The following SPAG16 variants were observed in gnomAD, a reference collection of about 807,000 sequenced individuals.
The protein encoded by SPAG16 is sperm associated antigen 16.
Under a neutral mutation model 80.4 loss-of-function variants are expected in SPAG16, and 86 were observed. That is an observed-to-expected ratio of 1.07 (90% CI 0.90 to 1.28). SPAG16 has a LOEUF of 1.28. Among genes scored for constraint, SPAG16 ranks in the 50% most tolerant of loss-of-function variants. The pLI is 0.00. For synonymous variants in SPAG16, 294 were observed against 265.9 expected (o/e 1.11, Z -1.03); for missense variants, 870 against 765.3 (o/e 1.14, Z -1.61).
chr2:213,952,112 A>G (rs2079816554), intron 12 of SPAG16, among the ~76,000 whole-genome samples: 1 of 152,110 alleles, frequency 6.6e-6, no homozygotes, highest in Non-Finnish European at 1.5e-5. Flanking sequence ...CTCTACAGAA[A>G]ATTGTTTTGA....
chr2:214,272,909 C>G (rs1173070217), intron 15 of SPAG16, among the ~76,000 whole-genome samples: 1 of 152,156 alleles, frequency 6.6e-6, no homozygotes, highest in East Asian at 1.9e-4. Context: ...GTCCCACCAA[C>G]AGTGTAAAAG....
intron 10 of SPAG16, among the ~76,000 whole-genome samples, chr2:213,502,848 A>G (rs563169636): frequency 6.6e-6 from 1 of 152,312 alleles, no homozygotes; most frequent in Admixed American, 6.5e-5. Context: ...TCTTCTTTAC[A>G]TATTCTAGCA....
At chr2:213,963,619 G>T (rs1178648831) in intron 12 of SPAG16, among the ~76,000 whole-genome samples, 2 of 152,146 alleles carry the variant, frequency 1.3e-5, no homozygotes, top group Non-Finnish European at 2.9e-5. Context: ...CATTAGGAAA[G>T]TGTGATATTG....
At chr2:214,082,163 G>T (rs999593042) in intron 13 of SPAG16, among the ~76,000 whole-genome samples, 4 of 152,038 alleles carry the variant, frequency 2.6e-5, no homozygotes, top group Non-Finnish European at 5.9e-5. Context: ...CGAGGAAAAC[G>T]TTCCACTTGC....
At chr2:214,217,264 A>T (rs1271521386) in intron 15 of SPAG16, among the ~76,000 whole-genome samples, 1 of 152,236 alleles carries the variant, frequency 6.6e-6, no homozygotes, top group Non-Finnish European at 1.5e-5. Flanking sequence ...CTCTGCATAC[A>T]TTAGGCAGTC....
chr2:213,909,306 G>T (rs2077561081), intron 11 of SPAG16, among the ~76,000 whole-genome samples: 1 of 151,956 alleles, frequency 6.6e-6, no homozygotes, highest in African/African-American at 2.4e-5. Flanking sequence ...TACTGCCCAA[G>T]GTAATTTATA....
intron 15 of SPAG16, among the ~76,000 whole-genome samples, chr2:214,290,222 A>G (rs1693692014): frequency 1.3e-5 from 2 of 151,982 alleles, no homozygotes; most frequent in Admixed American, 1.3e-4. Context: ...GTGCATAATG[A>G]TCTCTGATGA....
Position 213,357,195 on chromosome 2 carries a change from A to T in SPAG16, c.762+6550A>T, listed in dbSNP as rs529267060. Among the ~76,000 whole-genome samples, 4 of 152,258 alleles carry T rather than the reference A, an allele frequency of 2.6e-5. No individual in the cohort carries two copies. In the East Asian group the frequency reaches 7.7e-4, roughly 29 times the overall value. ...TTCCAATTATATGGTCAATTTTAGA[A>T]TAAGCGCGATATGGTGCCAAGCAGA... On this transcript the variant is annotated intron_variant, in intron 7 of 15. Coordinates refer to ENST00000331683, the MANE Select transcript of SPAG16 (RefSeq NM_024532.5).
In SPAG16 at chr2:213,335,052, A is replaced by G. The variant is rs142088993; in HGVS notation, c.537-5111A>G. The stretch of plus-strand genomic sequence containing the variant: ...TGTTTCAAAATATCTCATATACTCC[A>G]TGAATATATACATCTACTATGTACC... On this transcript the variant is annotated intron_variant, in intron 5 of 15. Coordinates refer to ENST00000331683, the MANE Select transcript of SPAG16 (RefSeq NM_024532.5). 9.5e-3 allele frequency among the ~76,000 whole-genome samples: 1,441 copies of G among 152,318 alleles called. 14 individuals are homozygous for G. The highest frequency in any genetic ancestry group is 0.031 in the Middle Eastern group (9 of 294).
chr2:213,540,693 C>A (rs1169802318), intron 10 of SPAG16, among the ~76,000 whole-genome samples: 1 of 152,124 alleles, frequency 6.6e-6, no homozygotes, highest in East Asian at 1.9e-4. Context: ...TGTAGTTCTT[C>A]ACAATTTGGA....
At chr2:214,378,393 C>T (rs1043508324) in intron 15 of SPAG16, among the ~76,000 whole-genome samples, 1 of 152,176 alleles carries the variant, frequency 6.6e-6, no homozygotes, top group Non-Finnish European at 1.5e-5. Context: ...GAATGAGTTG[C>T]TCCATTGGCT....
chr2:214,042,747 A>G (rs897332252), intron 13 of SPAG16, among the ~76,000 whole-genome samples: 1 of 152,136 alleles, frequency 6.6e-6, no homozygotes, highest in African/African-American at 2.4e-5. Flanking sequence ...TTCTCATTCT[A>G]GTACAGAGAG....
chr2:213,524,625 C>CA (rs772560434), intron 10 of SPAG16, among the ~76,000 whole-genome samples: 1 of 152,224 alleles, frequency 6.6e-6, no homozygotes, highest in Non-Finnish European at 1.5e-5. Context: ...GACATGGAGT[C>CA]AAAGGAGATC....
chr2:213,574,524 C>A (rs1032171343), intron 10 of SPAG16, among the ~76,000 whole-genome samples: 6 of 151,824 alleles, frequency 4.0e-5, no homozygotes, highest in South Asian at 2.1e-4. Context: ...GAAATGAGCA[C>A]CTTCTGTTAC....
intron 12 of SPAG16, among the ~76,000 whole-genome samples, chr2:213,938,688 C>T (rs1181369998): frequency 2.6e-5 from 4 of 151,758 alleles, no homozygotes; most frequent in Non-Finnish European, 5.9e-5. Flanking sequence ...GATTCAATTA[C>T]TGTGGAAACA....
chr2:213,831,289 C>T lies in SPAG16; in HGVS notation c.1071-31196C>T, dbSNP rs188792580. Among the ~76,000 whole-genome samples the T allele has an allele frequency of 6.7e-3, 1,019 of 151,984 alleles. 6 individuals carry two copies. Among genetic ancestry groups the T allele is most frequent in the Middle Eastern group, 0.014 (4 of 294 alleles). On this transcript the variant is annotated intron_variant, in intron 10 of 15. Transcript: ENST00000331683. ...TCCTGACCTCGTGATCCACCCACCT[C>T]GGCCTCCCAAAGTGCTGGGATTACA...
chr2:213,777,854 T>TAG (rs1228723866), intron 10 of SPAG16, among the ~76,000 whole-genome samples: 1 of 152,158 alleles, frequency 6.6e-6, no homozygotes, highest in African/African-American at 2.4e-5. Context: ...ACAATTTAAT[T>TAG]GCACTCCAGT....
rs565065140 is a variant in SPAG16, at chr2:214,208,986, A to T, written c.1720+59720A>T. On this transcript the variant is annotated intron_variant, in intron 15 of 15. Coordinates refer to ENST00000331683, the MANE Select transcript of SPAG16 (RefSeq NM_024532.5). ...CGGGATGAAGTTTTCTATTTCTTGA[A>T]CCCAATTGCTCTGTTTTTTGTTATT... 2.0e-5 allele frequency among the ~76,000 whole-genome samples: 3 copies of T among 152,078 alleles called. No homozygotes were observed. The South Asian group carries it at 6.2e-4, about 32-fold the overall frequency.
intron 12 of SPAG16, among the ~76,000 whole-genome samples, chr2:214,004,742 T>C (rs2046952309): frequency 6.6e-6 from 1 of 151,978 alleles, no homozygotes; most frequent in Non-Finnish European, 1.5e-5. Context: ...CTTGATCTAG[T>C]GCTTATTCAA....
Sources: gnomAD v4.1 joint callset for allele counts (sites outside exome capture counted in the v4.1 genomes callset) on GRCh38, gnomAD v4.1.1 for gene constraint, MANE v1.5 for transcripts, NCBI Gene and HGNC (gene_info 2026-07-23, HGNC 2026-07-21) for gene names.